RBFOX1: variants seen among roughly 807,000 people sequenced by gnomAD.
RBFOX1 encodes the protein RNA binding protein fox-1 homolog 1.
In RBFOX1, 8 loss-of-function variants were observed where a neutral mutation model predicts 57.7. The observed-to-expected ratio is 0.14, with a 90% confidence interval of 0.08 to 0.25. The LOEUF is 0.25. Ranked by LOEUF, RBFOX1 falls within the 10% of genes least tolerant of loss-of-function variation. The pLI, the probability that RBFOX1 is intolerant of heterozygous loss-of-function variation, is 1.00. For synonymous variants in RBFOX1, 326 were observed against 222.4 expected (o/e 1.47, Z -4.15); for missense variants, 611 against 548.5 (o/e 1.11, Z -1.14).
intron 4 of RBFOX1, among the ~76,000 whole-genome samples, chr16:5,893,288 G>A (rs142617899): frequency 2.0e-3 from 309 of 152,272 alleles, no homozygotes; most frequent in Non-Finnish European, 3.2e-3. Flanking sequence ...GCCTTTGAAG[G>A]TGTTAAGATC....
chr16:5,932,931 G>C (rs1173756348), intron 4 of RBFOX1, among the ~76,000 whole-genome samples: 1 of 152,094 alleles, frequency 6.6e-6, no homozygotes, highest in Non-Finnish European at 1.5e-5. Context: ...AAAAGGTAAA[G>C]CTCTCAAAAT....
intron 3 of RBFOX1, among the ~76,000 whole-genome samples, chr16:6,999,607 A>G (rs552825081): frequency 1.1e-4 from 16 of 152,198 alleles, no homozygotes; most frequent in African/African-American, 3.9e-4. Context: ...AACAACTACC[A>G]ATATGTGGCC....
chr16:7,704,098 C>G (rs1598518386), intron 14 of RBFOX1, among the ~76,000 whole-genome samples: 1 of 152,160 alleles, frequency 6.6e-6, no homozygotes, highest in East Asian at 1.9e-4. Flanking sequence ...AGATGAGGCT[C>G]AGAGAGCATG....
At chr16:6,564,921 A>C (rs1183631405) in intron 2 of RBFOX1, among the ~76,000 whole-genome samples, 2 of 152,070 alleles carry the variant, frequency 1.3e-5, no homozygotes, top group African/African-American at 2.4e-5. Context: ...TGGGAGGATC[A>C]CTTGAGGTCA....
intron 3 of RBFOX1, among the ~76,000 whole-genome samples, chr16:6,752,783 G>A (rs1202119053): frequency 1.3e-5 from 2 of 149,936 alleles, no homozygotes; most frequent in Non-Finnish European, 3.0e-5. Context: ...CTTTCCTGCT[G>A]GTAATGAAAT....
At chr16:6,866,081 A>G (rs1276719180) in intron 3 of RBFOX1, among the ~76,000 whole-genome samples, 2 of 150,920 alleles carry the variant, frequency 1.3e-5, no homozygotes, top group Non-Finnish European at 3.0e-5. Context: ...AAGCCAAAAG[A>G]TGATATTTTT....
intron 3 of RBFOX1, among the ~76,000 whole-genome samples, chr16:6,821,817 A>T (rs886700601): frequency 7.9e-5 from 12 of 152,194 alleles, no homozygotes; most frequent in Non-Finnish European, 1.8e-4. Context: ...GTTGTGAATG[A>T]TGCTGTTATG....
chr16:6,772,384 AGGTG>A lies in RBFOX1; in HGVS notation c.-16+117737_-16+117740del, dbSNP rs1442991977. Among the ~76,000 whole-genome samples, 6 of 152,046 alleles carry A rather than the reference AGGTG, an allele frequency of 3.9e-5. No individual in the cohort carries two copies. In the South Asian group the frequency reaches 6.2e-4, roughly 16 times the overall value. ...GCAATGCAGCTGTCTGCTTCTTTGG[AGGTG>A]GGCACAGGCTGGAAGGGTTTTGTGT... On this transcript the variant is annotated intron_variant, in intron 3 of 15. Coordinates refer to ENST00000550418, the MANE Select transcript of RBFOX1 (RefSeq NM_018723.4).
chr16:5,758,648 C>A (rs148918516), intron 3 of RBFOX1, among the ~76,000 whole-genome samples: 2 of 152,282 alleles, frequency 1.3e-5, no homozygotes, highest in Non-Finnish European at 2.9e-5. Context: ...AGGAAAGCTT[C>A]TATGAGCACA....
chr16:5,370,786 C>T (rs1388848387), intron 1 of RBFOX1, among the ~76,000 whole-genome samples: 3 of 151,622 alleles, frequency 2.0e-5, no homozygotes, highest in Admixed American at 1.3e-4. Flanking sequence ...AGCCAGCATG[C>T]CTGGCCTCTT....
Position 6,175,688 on chromosome 16 carries a change from A to G in RBFOX1, c.-126-141307A>G, listed in dbSNP as rs115023801. Among the ~76,000 whole-genome samples, 154 of 152,304 alleles carry G rather than the reference A, an allele frequency of 1.0e-3. 1 individual carries two copies. Among genetic ancestry groups the G allele is most frequent in the African/African-American group, 3.6e-3 (148 of 41,572 alleles). Reference sequence around the variant, plus strand: ...AATATAGATTTGGATTCAGTCTGGCATGGGGCCTGAGATCCTGGATTTCTA... The same window carrying G: ...AATATAGATTTGGATTCAGTCTGGCGTGGGGCCTGAGATCCTGGATTTCTA... On this transcript the variant is annotated intron_variant, in intron 1 of 15. Coordinates refer to ENST00000550418, the MANE Select transcript of RBFOX1 (RefSeq NM_018723.4).
chr16:6,806,364 A>T (rs1055201506), intron 3 of RBFOX1, among the ~76,000 whole-genome samples: 1 of 152,204 alleles, frequency 6.6e-6, no homozygotes, highest in South Asian at 2.1e-4. Flanking sequence ...GAAAGATGGA[A>T]TGAGAAACTG....
At chr16:6,193,141 T>A (rs1567649821) in intron 1 of RBFOX1, among the ~76,000 whole-genome samples, 1 of 151,714 alleles carries the variant, frequency 6.6e-6, no homozygotes, top group Non-Finnish European at 1.5e-5. Context: ...ATCGTGTTGG[T>A]GAGGCAATGT....
At chr16:6,729,218 A>G (rs1222395520) in intron 3 of RBFOX1, among the ~76,000 whole-genome samples, 3 of 152,128 alleles carry the variant, frequency 2.0e-5, no homozygotes, top group East Asian at 1.9e-4. Context: ...GATTATATGT[A>G]TATAATTGGG....
At chr16:7,703,806 T>A (rs1035910785) in intron 14 of RBFOX1, among the ~76,000 whole-genome samples, 15 of 152,232 alleles carry the variant, frequency 9.9e-5, no homozygotes, top group Non-Finnish European at 2.9e-5. Context: ...TATATCCATT[T>A]GAACTACATC....
intron 1 of RBFOX1, among the ~76,000 whole-genome samples, chr16:6,049,397 C>A (rs2095529247): frequency 6.6e-6 from 1 of 152,082 alleles, no homozygotes; most frequent in Non-Finnish European, 1.5e-5. Flanking sequence ...GAAGAATCAC[C>A]TTCTTTGAAT....
At chr16:5,350,086 G>A (rs2065230095) in intron 1 of RBFOX1, among the ~76,000 whole-genome samples, 1 of 152,218 alleles carries the variant, frequency 6.6e-6, no homozygotes, top group African/African-American at 2.4e-5. Flanking sequence ...GGGTAGAAGT[G>A]GGATCTTTTA....
intron 1 of RBFOX1, among the ~76,000 whole-genome samples, chr16:5,431,194 G>A (rs918695620): frequency 1.3e-5 from 2 of 152,076 alleles, no homozygotes; most frequent in Admixed American, 1.3e-4. Context: ...TTGTGTTGTC[G>A]GAGATAACTC....
chr16:6,864,995 C>CTTTTTTTTTTT (rs34341448), intron 3 of RBFOX1, among the ~76,000 whole-genome samples: 11 of 82,566 alleles, frequency 1.3e-4, no homozygotes, highest in African/African-American at 5.6e-4. Flanking sequence ...TTTTCTTTTT[C>CTTTTTTTTTTT]TTTTTTTTTT....
Sources: allele counts gnomAD v4.1 joint callset (sites outside exome capture counted in the v4.1 genomes callset), GRCh38; gene constraint gnomAD v4.1.1; transcripts MANE v1.5; gene names NCBI Gene and HGNC (gene_info 2026-07-23, HGNC 2026-07-21).